Variants in SOSTDC1 observed in about 807,000 individuals in gnomAD.
SOSTDC1 encodes the protein sclerostin domain-containing protein 1.
SOSTDC1 carries 7 observed loss-of-function variants against 15.1 expected under a neutral mutation model. The ratio of observed to expected loss-of-function variants is 0.46; its 90% CI spans 0.26 to 0.87. The LOEUF is 0.87. Among genes scored for constraint, SOSTDC1 ranks in the 40% least tolerant of loss-of-function variants. The pLI, the probability that SOSTDC1 is intolerant of heterozygous loss-of-function variation, is 0.15. For synonymous variants in SOSTDC1, 94 were observed against 93.2 expected, an observed-to-expected ratio of 1.01 and a Z score of -0.05; for missense variants, 242 against 259.2, an observed-to-expected ratio of 0.93 and a Z score of 0.46.
rs148829922 is a variant in SOSTDC1 at position 16,465,084 on chromosome 7, A to C, written c.205+380T>G. On this transcript the variant is annotated intron_variant, in intron 1 of 1. Coordinates refer to ENST00000307068, the MANE Select transcript of SOSTDC1 (RefSeq NM_015464.3). ...TAATATATATTAGTTACGTTTATACACTTTACCAAAATTGCATATGCCCTG... is the reference window on the plus strand; with the variant it reads ...TAATATATATTAGTTACGTTTATACCCTTTACCAAAATTGCATATGCCCTG... 6.2e-3 allele frequency among the ~76,000 whole-genome samples: 940 copies of C among 152,278 alleles called. 11 individuals carry two copies. The highest frequency in any genetic ancestry group is 5.4e-3 in the Non-Finnish European group (365 of 68,014).
rs928587306 is a variant in SOSTDC1 at position 16,465,556 on chromosome 7, T to C, written c.113A>G (p.Lys38Arg). 1.9e-6 allele frequency: 3 copies of C among 1,614,072 alleles called. No homozygotes were observed. In the Admixed American group the frequency reaches 5.0e-5, roughly 27 times the overall value. Residue 38 changes from lysine (K) to arginine (R), a missense_variant, in exon 1 of 2, where the codon AAA becomes AGA. Physicochemically the swap from Lys to Arg is conservative, Grantham distance 26. Coordinates refer to ENST00000307068, the MANE Select transcript of SOSTDC1 (RefSeq NM_015464.3). Reference sequence around the variant, plus strand: ...GCTGCTGGGGTGTGCTGGAACAGGTTTAACCACATGTGAATAAAGGATTTC... The same window carrying C: ...GCTGCTGGGGTGTGCTGGAACAGGTCTAACCACATGTGAATAAAGGATTTC... ...ATEILYSHVVKPVPAHPSSNS... is the reference protein window; with the variant it reads ...ATEILYSHVVRPVPAHPSSNS...
chr7:16,464,390 G>A, intron 1 of SOSTDC1: 1 of 1,549,558 alleles, frequency 6.5e-7, no homozygotes, highest in Non-Finnish European at 8.7e-7. Context: ...TTCTGTTCCT[G>A]TGTATATACA....
At chr7:16,463,084 G>T in intron 1 of SOSTDC1, 121 bp from the exon 2 acceptor site, 1 of 933,100 alleles carries the variant, frequency 1.1e-6, no homozygotes, top group Non-Finnish European at 1.5e-6. Context: ...TAGAAAGTGA[G>T]CACCTACTTT....
chr7:16,463,074 T>C (rs1266713693), intron 1 of SOSTDC1, 111 bp from the exon 2 acceptor site: 7 of 1,069,752 alleles, frequency 6.5e-6, no homozygotes, highest in Non-Finnish European at 7.8e-6. Context: ...AATTGCCAAA[T>C]AGAAAGTGAG....
At chr7:16,463,087 C>T in intron 1 of SOSTDC1, 124 bp from the exon 2 acceptor site, 1 of 926,680 alleles carries the variant, frequency 1.1e-6, no homozygotes, top group Middle Eastern at 2.6e-4. Context: ...AAAGTGAGCA[C>T]CTACTTTATT....
In SOSTDC1 at chr7:16,462,588, C is replaced by T. The variant is rs200096459; in HGVS notation, c.581G>A (p.Arg194Gln). 2.1e-4 allele frequency: 340 copies of T among 1,614,156 alleles called. 1 individual carries two copies. The highest frequency in any genetic ancestry group is 2.5e-4 in the Non-Finnish European group (294 of 1,180,018). Residue 194 changes from arginine (R) to glutamine (Q), a missense_variant, in exon 2 of 2, where the codon CGG (arginine) becomes CAG (glutamine). By Grantham distance (43) the Arg-to-Gln change is conservative. Transcript: ENST00000307068. The stretch of plus-strand genomic sequence containing the variant: ...CTTGCTGGATTTGCTGGCTCTTTTC[C>T]GCTCTCTGTGATGCTGGACTGGCTT... ...PAKPVQHHRE[R>Q]KRASKSSKHS...
Position 16,462,648 on chromosome 7 carries a change from TC to T in SOSTDC1, c.520del (p.Glu174SerfsTer32). 1 of 1,614,242 alleles carries T rather than the reference TC, an allele frequency of 6.2e-7. No homozygotes were observed. The highest frequency in any genetic ancestry group is 8.5e-7 in the Non-Finnish European group (1 of 1,180,036). The part of the protein sequence containing the change: ...KCKRYTRQHN[E>X]SSHNFESMSP... ...CATGCTCTCAAAGTTGTGACTGGAC[TC>T]GTTGTGCTGCCGGGTGTACCTCTTG... On this transcript the variant is annotated frameshift_variant, in exon 2 of 2. Coordinates refer to ENST00000307068, the MANE Select transcript of SOSTDC1 (RefSeq NM_015464.3). LOFTEE classifies it high-confidence loss of function.
chr7:16,464,464 T>C, intron 1 of SOSTDC1: 1 of 1,000,952 alleles, frequency 1.0e-6, no homozygotes, highest in East Asian at 2.6e-5. Flanking sequence ...CTCAGTAATC[T>C]AATAATAATC....
chr7:16,464,225 T>C (rs1394941945), intron 1 of SOSTDC1: 3 of 969,298 alleles, frequency 3.1e-6, no homozygotes, highest in Non-Finnish European at 4.9e-6. Flanking sequence ...CATGCATGCA[T>C]AGAAATCTAG....
At chr7:16,464,652 T>TTCTCTCTCTC (rs72323066) in intron 1 of SOSTDC1, among the ~76,000 whole-genome samples, 2,618 of 150,302 alleles carry the variant, frequency 0.017, 77 homozygotes, top group African/African-American at 0.058. Context: ...TGCGCAGTGT[T>TTCTCTCTCTC]TCTCTCTCTC....
Position 16,462,541 on chromosome 7 carries a change from C to T in SOSTDC1, c.*7G>A, listed in dbSNP as rs745725934. On this transcript the variant is annotated 3_prime_UTR_variant, in exon 2 of 2. Coordinates refer to ENST00000307068, the MANE Select transcript of SOSTDC1 (RefSeq NM_015464.3). Reference sequence around the variant, plus strand: ...TACTAGTAAGTCTAGTTATGGGAGTCTGAGTTCTAACTCATGCTGTGCTTG... The same window carrying T: ...TACTAGTAAGTCTAGTTATGGGAGTTTGAGTTCTAACTCATGCTGTGCTTG... The T allele has an allele frequency of 8.1e-6, 13 of 1,613,098 alleles. No individual in the cohort carries two copies. Among genetic ancestry groups the T allele is most frequent in the Non-Finnish European group, 1.1e-5 (13 of 1,179,290 alleles).
rs765339535 is a variant in SOSTDC1, at chr7:16,465,584, T to A, written c.85A>T (p.Thr29Ser). Reference protein sequence around the residue: ...KSCLAFKNDATEILYSHVVKP... With the variant: ...KSCLAFKNDASEILYSHVVKP... ...ACCACATGTGAATAAAGGATTTCTGTGGCATCATTTTTAAAAGCCAAACAG... is the reference window on the plus strand; with the variant it reads ...ACCACATGTGAATAAAGGATTTCTGAGGCATCATTTTTAAAAGCCAAACAG... Residue 29 changes from threonine (T) to serine (S), a missense_variant, in exon 1 of 2, where the codon ACA becomes TCA. By Grantham distance (58) the Thr-to-Ser change is moderately conservative (BLOSUM62 1). Transcript: ENST00000307068. The A allele has an allele frequency of 6.2e-7, 1 of 1,614,150 alleles. No individual in the cohort carries two copies. The highest frequency in any genetic ancestry group is 2.2e-5 in the East Asian group (1 of 44,882).
chr7:16,462,708 G>A lies in SOSTDC1; in HGVS notation c.461C>T (p.Thr154Ile), dbSNP rs758542305. The A allele has an allele frequency of 1.2e-6, 2 of 1,614,186 alleles. No homozygotes were observed. The highest frequency in any genetic ancestry group is 1.7e-5 in the Admixed American group (1 of 60,020). Residue 154 changes from threonine (T) to isoleucine (I), a missense_variant, in exon 2 of 2, where the codon ACC becomes ATC. Coordinates refer to ENST00000307068, the MANE Select transcript of SOSTDC1 (RefSeq NM_015464.3). ...QLQCQDGSTR[T>I]YKITVVTACK... Reference sequence around the variant, plus strand: ...GGCAGTGACTACTGTGATTTTGTAGGTGCGTGTGCTGCCATCTTGGCACTG... The same window carrying A: ...GGCAGTGACTACTGTGATTTTGTAGATGCGTGTGCTGCCATCTTGGCACTG...
In SOSTDC1 at chr7:16,462,489, A is replaced by G. The variant is rs187103089; in HGVS notation, c.*59T>C. On this transcript the variant is annotated 3_prime_UTR_variant, in exon 2 of 2. Coordinates refer to ENST00000307068, the MANE Select transcript of SOSTDC1 (RefSeq NM_015464.3). ...AGCAGTGGCAGGCTTGAGTCTTCCA[A>G]GCAATCAAATCTGTAAAGCAGATGG... 2.9e-4 allele frequency: 447 copies of G among 1,552,676 alleles called. 2 individuals carry two copies. The African/African-American group carries it at 5.1e-3, about 18-fold the overall frequency.
rs1230998239 is a variant in SOSTDC1 at position 16,462,782 on chromosome 7, C to T, written c.387G>A (p.Gln129=). The part of the protein sequence containing the change: ...GTKYWSRRSS[Q]EWRCVNDKTR... ...TTTTGTCATTGACACACCGCCACTCCTGGGAGCTCCTCCTGCTCCAGTACT... is the reference window on the plus strand; with the variant it reads ...TTTTGTCATTGACACACCGCCACTCTTGGGAGCTCCTCCTGCTCCAGTACT... Residue 129 remains glutamine (Q), a synonymous_variant, in exon 2 of 2, where the codon CAG becomes CAA. Transcript: ENST00000307068. 2 of 1,614,214 alleles carry T rather than the reference C, an allele frequency of 1.2e-6. No homozygotes were observed. Among genetic ancestry groups the T allele is most frequent in the Admixed American group, 1.7e-5 (1 of 60,026 alleles).
At position 16,462,932 on chromosome 7, in the gene SOSTDC1, A is replaced by G; in HGVS notation, c.237T>C (p.Arg79=). Residue 79 remains arginine, a synonymous_variant, in exon 2 of 2, where the codon CGT becomes CGC. Coordinates refer to ENST00000307068, the MANE Select transcript of SOSTDC1 (RefSeq NM_015464.3). ...GGCCATCAGAGATGTATTTGGTGGA[A>G]CGCAGTTCCCGGCAACCCACTTGAA... ...TRVQVGCREL[R]STKYISDGQC... 1 of 1,586,142 alleles carries G rather than the reference A, an allele frequency of 6.3e-7. No individual in the cohort carries two copies. Among genetic ancestry groups the G allele is most frequent in the Non-Finnish European group, 8.6e-7 (1 of 1,161,012 alleles).
At chr7:16,465,345 A>G (rs1781286054) in intron 1 of SOSTDC1, 119 bp downstream of exon 1, 1 of 868,862 alleles carries the variant, frequency 1.2e-6, no homozygotes, top group East Asian at 2.5e-5. Context: ...GATTACTCCC[A>G]AATTGTTTCA....
In SOSTDC1 at chr7:16,462,510, G is replaced by A. The variant is rs752219906; in HGVS notation, c.*38C>T. On this transcript the variant is annotated 3_prime_UTR_variant, in exon 2 of 2. Transcript: ENST00000307068. ...TCCAAGCAATCAAATCTGTAAAGCA[G>A]ATGGTTACTAGTAAGTCTAGTTATG... The A allele has an allele frequency of 1.4e-5, 23 of 1,593,040 alleles. No homozygotes were observed. The South Asian group carries it at 1.9e-4, about 13-fold the overall frequency.
In SOSTDC1 at chr7:16,462,951, A is replaced by G. The variant is rs201667417; in HGVS notation, c.218T>C (p.Val73Ala). 301 of 1,563,264 alleles carry G rather than the reference A, an allele frequency of 1.9e-4. No homozygotes were observed. Among genetic ancestry groups the G allele is most frequent in the Non-Finnish European group, 2.6e-4 (294 of 1,150,252 alleles). The change falls in exon 2 of 2, where the codon GTG becomes GCG. Residue 73 changes from valine (V) to alanine (A), a missense_variant. Coordinates refer to ENST00000307068, the MANE Select transcript of SOSTDC1 (RefSeq NM_015464.3). ...GGTGGAACGCAGTTCCCGGCAACCC[A>G]CTTGAACCCGAGCTGCAGGAAACAA... Reference protein sequence around the residue: ...TGLDRNTRVQVGCRELRSTKY... With the variant: ...TGLDRNTRVQAGCRELRSTKY...
Sources: allele counts gnomAD v4.1 joint callset (sites outside exome capture counted in the v4.1 genomes callset), GRCh38; gene constraint gnomAD v4.1.1; transcripts MANE v1.5; gene names NCBI Gene and HGNC (gene_info 2026-07-23, HGNC 2026-07-21).